The following KIAA1328 variants were observed in gnomAD, a reference collection of about 807,000 sequenced individuals.
The protein encoded by KIAA1328 is KIAA1328.
Under a neutral mutation model 68.1 loss-of-function variants are expected in KIAA1328, and 52 were observed. The observed-to-expected ratio is 0.76, with a 90% CI of 0.61 to 0.96. KIAA1328 has a LOEUF of 0.96. Among genes scored for constraint, KIAA1328 ranks in the 40% least tolerant of loss-of-function variants. The pLI, the probability that KIAA1328 is intolerant of heterozygous loss-of-function variation, is 0.00. For synonymous variants in KIAA1328, 232 were observed against 239.4 expected (o/e 0.97, Z 0.28); for missense variants, 641 against 677.6 (o/e 0.95, Z 0.60).
intron 9 of KIAA1328, among the ~76,000 whole-genome samples, chr18:37,212,056 A>G (rs190500477): frequency 2.0e-5 from 3 of 152,330 alleles, no homozygotes; most frequent in African/African-American, 2.4e-5. Context: ...AAAACATTTA[A>G]TGATCTATAT....
At chr18:37,093,399 T>C (rs926924767) in intron 7 of KIAA1328, among the ~76,000 whole-genome samples, 48 of 151,630 alleles carry the variant, frequency 3.2e-4, no homozygotes, top group African/African-American at 1.0e-3. Context: ...TACAAAGAAA[T>C]CAGGAAAACA....
At chr18:36,860,193 A>G (rs1490192830) in intron 4 of KIAA1328, among the ~76,000 whole-genome samples, 1 of 152,182 alleles carries the variant, frequency 6.6e-6, no homozygotes, top group Non-Finnish European at 1.5e-5. Flanking sequence ...TTACTAGCAT[A>G]CCATGTGGTC....
At position 37,175,669 on chromosome 18, in the gene KIAA1328, C is replaced by A. The variant is rs12456533; in HGVS notation, c.1523+2588C>A. Reference sequence around the variant, plus strand: ...GTGGTGGCTTTCCAGATTTCAGAATCAGGATTATTTGTACTGTTTTTATTT... The same window carrying A: ...GTGGTGGCTTTCCAGATTTCAGAATAAGGATTATTTGTACTGTTTTTATTT... On this transcript the variant is annotated intron_variant, in intron 9 of 9. Transcript: ENST00000280020. Among the ~76,000 whole-genome samples, 4,302 of 151,764 alleles carry A rather than the reference C, an allele frequency of 0.028. 477 individuals carry two copies. In the East Asian group the frequency reaches 0.34, roughly 12 times the overall value.
At chr18:37,057,860 A>G (rs953297476) in intron 6 of KIAA1328, among the ~76,000 whole-genome samples, 2 of 152,198 alleles carry the variant, frequency 1.3e-5, no homozygotes, top group East Asian at 3.9e-4. Flanking sequence ...TATGACAAGG[A>G]TCTCATGGCC....
chr18:36,894,156 A>G (rs1032946054), intron 5 of KIAA1328, among the ~76,000 whole-genome samples: 7 of 152,100 alleles, frequency 4.6e-5, no homozygotes, highest in Non-Finnish European at 1.0e-4. Flanking sequence ...CACTATACCA[A>G]ATTTTCTCTG....
intron 6 of KIAA1328, among the ~76,000 whole-genome samples, chr18:36,973,850 C>CACACACACACAT (rs983579773): frequency 2.7e-5 from 4 of 149,260 alleles, no homozygotes; most frequent in South Asian, 2.1e-4. Context: ...CACACACACA[C>CACACACACACAT]ATATATATCT....
chr18:37,183,236 G>T (rs2059731791), intron 9 of KIAA1328, among the ~76,000 whole-genome samples: 1 of 152,028 alleles, frequency 6.6e-6, no homozygotes, highest in Non-Finnish European at 1.5e-5. Context: ...AATTGATTTT[G>T]TCCTCATAAT....
chr18:36,936,349 C>T (rs1021898741), intron 5 of KIAA1328, among the ~76,000 whole-genome samples: 9 of 152,096 alleles, frequency 5.9e-5, no homozygotes, highest in Non-Finnish European at 1.2e-4. Flanking sequence ...TTGTGCAACT[C>T]CCACTTATGA....
chr18:37,055,412 A>T (rs1315599378), intron 6 of KIAA1328, among the ~76,000 whole-genome samples: 1 of 152,224 alleles, frequency 6.6e-6, no homozygotes, highest in African/African-American at 2.4e-5. Context: ...GCAACTGATG[A>T]TATAACACCT....
At chr18:36,968,132 T>TA (rs1183924927) in intron 6 of KIAA1328, among the ~76,000 whole-genome samples, 3 of 151,846 alleles carry the variant, frequency 2.0e-5, no homozygotes, top group Non-Finnish European at 4.4e-5. Flanking sequence ...AAGCACTAAA[T>TA]ATGGAAAGGA....
At chr18:37,022,347 A>G (rs1330109845) in intron 6 of KIAA1328, among the ~76,000 whole-genome samples, 1 of 152,172 alleles carries the variant, frequency 6.6e-6, no homozygotes, top group Non-Finnish European at 1.5e-5. Context: ...ACAGGATTAG[A>G]ACCGTGGTTT....
At chr18:37,129,785 G>A (rs529464195) in intron 7 of KIAA1328, among the ~76,000 whole-genome samples, 6 of 152,280 alleles carry the variant, frequency 3.9e-5, no homozygotes, top group Non-Finnish European at 8.8e-5. Context: ...TATGCAGAAT[G>A]GAGAGGAAAT....
intron 7 of KIAA1328, among the ~76,000 whole-genome samples, chr18:37,135,877 GC>G (rs1429349498): frequency 3.9e-5 from 6 of 152,084 alleles, no homozygotes; most frequent in Non-Finnish European, 8.8e-5. Context: ...GTAAAAGGTA[GC>G]CGGTTACCCA....
At chr18:36,992,966 G>A (rs1223699573) in intron 6 of KIAA1328, among the ~76,000 whole-genome samples, 2 of 152,128 alleles carry the variant, frequency 1.3e-5, no homozygotes, top group Non-Finnish European at 2.9e-5. Context: ...AATCAGTTGG[G>A]TGGAGTGGTG....
chr18:36,899,529 G>A (rs998040988), intron 5 of KIAA1328, among the ~76,000 whole-genome samples: 2 of 151,792 alleles, frequency 1.3e-5, no homozygotes, highest in African/African-American at 4.8e-5. Context: ...CTCAGGAGGT[G>A]AATAAGCATG....
intron 6 of KIAA1328, among the ~76,000 whole-genome samples, chr18:37,044,446 C>T (rs2055382635): frequency 6.6e-6 from 1 of 152,006 alleles, no homozygotes; most frequent in Non-Finnish European, 1.5e-5. Flanking sequence ...CCAAGCTATG[C>T]AAAACCACAT....
chr18:36,904,153 A>G (rs966089078), intron 5 of KIAA1328, among the ~76,000 whole-genome samples: 4 of 152,060 alleles, frequency 2.6e-5, no homozygotes, highest in Non-Finnish European at 5.9e-5. Context: ...ATTAACATGT[A>G]TATTGCTGCT....
intron 6 of KIAA1328, among the ~76,000 whole-genome samples, chr18:37,038,826 C>T (rs1272251137): frequency 2.6e-5 from 4 of 152,180 alleles, no homozygotes; most frequent in South Asian, 2.1e-4. Flanking sequence ...CTATTAAGTA[C>T]ATTAAATGAA....
chr18:37,195,969 A>G (rs1403600587), intron 9 of KIAA1328, among the ~76,000 whole-genome samples: 1 of 152,034 alleles, frequency 6.6e-6, no homozygotes, highest in East Asian at 1.9e-4. Context: ...GTTCTCTTCA[A>G]TTTCTTTCAT....
Sources: allele counts gnomAD v4.1 joint callset (sites outside exome capture counted in the v4.1 genomes callset), GRCh38; gene constraint gnomAD v4.1.1; transcripts MANE v1.5; gene names NCBI Gene and HGNC (gene_info 2026-07-23, HGNC 2026-07-21).